The following DNAH3 variants were observed in gnomAD, a reference collection of about 807,000 sequenced individuals.
DNAH3 encodes dynein axonemal heavy chain 3.
Under a neutral mutation model 432.5 loss-of-function variants are expected in DNAH3, and 332 were observed. The ratio of observed to expected loss-of-function variants is 0.77; its 90% CI spans 0.70 to 0.84. The LOEUF (loss-of-function observed/expected upper bound fraction) is 0.84. Ranked by LOEUF, DNAH3 falls within the 40% of genes least tolerant of loss-of-function variation. The probability of loss-of-function intolerance (pLI) is 0.00; values close to 1 mark genes in which losing one functional copy is unlikely to be tolerated. For synonymous variants in DNAH3, 1,956 were observed against 1,900.2 expected, an observed-to-expected ratio of 1.03 and a Z score of -0.76; for missense variants, 4,861 against 5,114.0, an observed-to-expected ratio of 0.95 and a Z score of 1.51.
At chr16:20,952,363 G>T in intron 56 of DNAH3, 70 bp downstream of exon 56, 1 of 934,970 alleles carries the variant, frequency 1.1e-6, no homozygotes, top group Non-Finnish European at 1.8e-6. Flanking sequence ...AATGGAAATG[G>T]GAGGAGAACA....
At chr16:21,093,627 T>G (rs2091598252) in intron 18 of DNAH3, among the ~76,000 whole-genome samples, 1 of 152,090 alleles carries the variant, frequency 6.6e-6, no homozygotes, top group African/African-American at 2.4e-5. Context: ...AAATAAAATT[T>G]TAAAAAGAAA....
At chr16:21,101,628 A>G (rs984018142) in intron 16 of DNAH3, among the ~76,000 whole-genome samples, 12 of 152,196 alleles carry the variant, frequency 7.9e-5, no homozygotes, top group African/African-American at 2.9e-4. Flanking sequence ...GATTAAAGGA[A>G]CAAATAGCAG....
chr16:20,981,204 G>A (rs1385130911), intron 49 of DNAH3, among the ~76,000 whole-genome samples: 6 of 152,152 alleles, frequency 3.9e-5, no homozygotes, highest in Admixed American at 3.3e-4. Flanking sequence ...GGGGTTTACT[G>A]CCTACATTCA....
At position 20,969,774 on chromosome 16, in the gene DNAH3, G is replaced by A. The variant is rs1053758495; in HGVS notation, c.8458+18C>T. ...GAAAGAGCAGCCTGTGCAGGCATCT[G>A]GGTGGGGTGGCACTTACCGGAGCCA... On this transcript the variant is annotated intron_variant, in intron 52 of 61. Coordinates refer to ENST00000261383, the Ensembl canonical transcript of DNAH3. 6.8e-6 allele frequency: 11 copies of A among 1,613,760 alleles called. No individual in the cohort carries two copies. The highest frequency in any genetic ancestry group is 1.6e-4 in the Middle Eastern group (1 of 6,080).
chr16:20,979,435 C>T (rs1401125923), exon 50 of DNAH3: 1 of 1,614,136 alleles, frequency 6.2e-7, no homozygotes, highest in Non-Finnish European at 8.5e-7. Context: ...AGGTTAGAAT[C>T]AATTCAAGGT....
exon 51 of DNAH3, chr16:20,975,405 A>G: frequency 6.2e-7 from 1 of 1,613,986 alleles, no homozygotes; most frequent in Non-Finnish European, 8.5e-7. Context: ...TTCTCTTTGC[A>G]TAACCGCTAC....
At chr16:21,038,249 T>G (rs962478560) in intron 33 of DNAH3, among the ~76,000 whole-genome samples, 1 of 152,194 alleles carries the variant, frequency 6.6e-6, no homozygotes. Context: ...GCCTGTGATC[T>G]CAGCACTTTG....
At position 21,157,647 on chromosome 16, in the gene DNAH3, A is replaced by G. The variant is rs73535714; in HGVS notation, c.117+1678T>C. Among the ~76,000 whole-genome samples the G allele has an allele frequency of 4.0e-3, 613 of 152,200 alleles. 4 individuals carry two copies. The highest frequency in any genetic ancestry group is 0.012 in the African/African-American group (511 of 41,546). ...ACCCTGCCAGCTTTTTGTTATCTAA[A>G]GACTTATTTTCCAGGTTGCTATGGC... On this transcript the variant is annotated intron_variant, in intron 1 of 61. Coordinates refer to ENST00000261383, the Ensembl canonical transcript of DNAH3.
chr16:21,117,432 G>A (rs1343230765), intron 11 of DNAH3, 93 bp from the exon 12 acceptor site: 13 of 718,472 alleles, frequency 1.8e-5, no homozygotes, highest in Non-Finnish European at 1.7e-5. Context: ...TCATTTCCAG[G>A]GCTGCCAGCT....
At chr16:21,039,912 G>A (rs1310009817) in exon 33 of DNAH3, 1 of 1,613,662 alleles carries the variant, frequency 6.2e-7, no homozygotes, top group Non-Finnish European at 8.5e-7. Context: ...GGCGTAATCT[G>A]GGACCATCAT....
intron 55 of DNAH3, among the ~76,000 whole-genome samples, chr16:20,953,151 T>G (rs2152587824): frequency 6.6e-6 from 1 of 151,526 alleles, no homozygotes; most frequent in East Asian, 2.0e-4. Flanking sequence ...TTGTTTTGTT[T>G]TTTTGTTTGT....
At chr16:21,119,241 G>A (rs2092279853) in intron 11 of DNAH3, among the ~76,000 whole-genome samples, 1 of 152,212 alleles carries the variant, frequency 6.6e-6, no homozygotes, top group South Asian at 2.1e-4. Context: ...ATGGGAAGAA[G>A]TCTTCAAACT....
intron 20 of DNAH3, among the ~76,000 whole-genome samples, chr16:21,076,675 A>T (rs1023671108): frequency 2.1e-4 from 32 of 151,768 alleles, no homozygotes; most frequent in African/African-American, 7.5e-4. Context: ...CTCTGCTTGA[A>T]CCCTCATAAA....
chr16:21,047,245 C>G (rs1422318652), intron 31 of DNAH3, among the ~76,000 whole-genome samples: 4 of 147,584 alleles, frequency 2.7e-5, no homozygotes, highest in African/African-American at 7.6e-5. Context: ...TGGGGAAGTT[C>G]TCCTGGATAA....
intron 11 of DNAH3, among the ~76,000 whole-genome samples, chr16:21,119,770 G>A (rs887646454): frequency 6.6e-6 from 1 of 151,606 alleles, no homozygotes; most frequent in African/African-American, 2.4e-5. Flanking sequence ...CTAATTTTTT[G>A]TATTTTTAGT....
chr16:21,002,444 G>GTTGTTA (rs1379704010), intron 42 of DNAH3, among the ~76,000 whole-genome samples: 10 of 146,828 alleles, frequency 6.8e-5, no homozygotes, highest in South Asian at 2.2e-4. Flanking sequence ...ATCTGGTGTT[G>GTTGTTA]TTATTATTAT....
At chr16:21,105,116 G>A (rs1472305568) in intron 15 of DNAH3, among the ~76,000 whole-genome samples, 1 of 152,074 alleles carries the variant, frequency 6.6e-6, no homozygotes, top group East Asian at 1.9e-4. Flanking sequence ...TGAATTTCGG[G>A]AGGCAGAGCC....
intron 5 of DNAH3, 174 bp from the exon 7 acceptor site, chr16:21,136,687 GGC>G: frequency 1.6e-6 from 1 of 630,712 alleles, no homozygotes; most frequent in South Asian, 1.9e-5. Flanking sequence ...GAAGATCACT[GGC>G]AAATTTTCCC....
At chr16:21,108,636 C>T (rs910178321) in intron 14 of DNAH3, among the ~76,000 whole-genome samples, 6 of 152,058 alleles carry the variant, frequency 3.9e-5, no homozygotes, top group African/African-American at 1.4e-4. Flanking sequence ...CCAGCTACTT[C>T]GGGGGCTGAG....
Sources: gnomAD v4.1 joint callset for allele counts (sites outside exome capture counted in the v4.1 genomes callset) on GRCh38, gnomAD v4.1.1 for gene constraint, MANE v1.5 for transcripts, NCBI Gene and HGNC (gene_info 2026-07-23, HGNC 2026-07-21) for gene names.